Variants in ACTR3C observed in about 807,000 individuals in gnomAD.
ACTR3C encodes actin-related protein 3C.
Under a neutral mutation model 26.3 loss-of-function variants are expected in ACTR3C, and 18 were observed. That is an observed-to-expected ratio of 0.68 (90% CI 0.47 to 1.01). The LOEUF (loss-of-function observed/expected upper bound fraction) is 1.01. Among genes scored for constraint, ACTR3C ranks in the 50% least tolerant of loss-of-function variants. The pLI, the probability that ACTR3C is intolerant of heterozygous loss-of-function variation, is 0.00. For synonymous variants in ACTR3C, 55 were observed against 94.5 expected, an observed-to-expected ratio of 0.58 and a Z score of 2.42; for missense variants, 184 against 250.7, an observed-to-expected ratio of 0.73 and a Z score of 1.80.
the ACTR3C span, among the ~76,000 whole-genome samples, chr7:150,117,114 A>G: frequency 1.3e-5 from 2 of 152,194 alleles, no homozygotes; most frequent in Non-Finnish European, 2.9e-5. Flanking sequence ...TTGGGTGCCT[A>G]TATCACCAGG....
chr7:150,034,485 T>C, the ACTR3C span, among the ~76,000 whole-genome samples: 3 of 151,398 alleles, frequency 2.0e-5, no homozygotes, highest in African/African-American at 7.3e-5. Context: ...CCCGCCCCCT[T>C]TGTGACCTCA....
At chr7:149,886,408 G>A in the ACTR3C span, among the ~76,000 whole-genome samples, 2 of 152,314 alleles carry the variant, frequency 1.3e-5, no homozygotes, top group South Asian at 4.1e-4. Context: ...GACGGGGGGA[G>A]GAAGCAGATA....
chr7:150,037,463 C>A, the ACTR3C span, among the ~76,000 whole-genome samples: 1 of 54,530 alleles, frequency 1.8e-5, no homozygotes, highest in East Asian at 1.0e-3. Flanking sequence ...GGGGGTGCCT[C>A]CCCCCCCTGC....
chr7:150,154,165 T>A, the ACTR3C span, among the ~76,000 whole-genome samples: 1 of 151,066 alleles, frequency 6.6e-6, no homozygotes, highest in African/African-American at 2.4e-5. Flanking sequence ...ATGGCACATG[T>A]ATACATATGT....
the ACTR3C span, among the ~76,000 whole-genome samples, chr7:150,036,323 C>A: frequency 2.7e-5 from 4 of 147,690 alleles, 1 homozygote; most frequent in Non-Finnish European, 4.6e-5. Flanking sequence ...AATAGGGGGG[C>A]CATCCTTTAG....
At chr7:150,235,305 C>T in the ACTR3C span, among the ~76,000 whole-genome samples, 4 of 152,170 alleles carry the variant, frequency 2.6e-5, no homozygotes, top group Admixed American at 2.6e-4. Flanking sequence ...CTTGAAGAAA[C>T]AAAGTACAAG....
the ACTR3C span, among the ~76,000 whole-genome samples, chr7:150,204,114 C>T: frequency 6.7e-6 from 1 of 149,660 alleles, no homozygotes; most frequent in Non-Finnish European, 1.5e-5. Context: ...GTACAGGTTT[C>T]CTCTCAGCAC....
chr7:149,995,892 A>G, the ACTR3C span, among the ~76,000 whole-genome samples: 5 of 152,232 alleles, frequency 3.3e-5, no homozygotes, highest in African/African-American at 1.2e-4. Context: ...TTCACAGCAG[A>G]GGTGGTTCGA....
the ACTR3C span, among the ~76,000 whole-genome samples, chr7:149,882,528 A>G: frequency 6.6e-6 from 1 of 151,854 alleles, no homozygotes; most frequent in Non-Finnish European, 1.5e-5. Context: ...ATTCCGGGAG[A>G]GAGGAGAGGG....
the ACTR3C span, among the ~76,000 whole-genome samples, chr7:150,169,995 A>G: frequency 2.9e-4 from 43 of 149,332 alleles, no homozygotes; most frequent in Non-Finnish European, 5.9e-4. Flanking sequence ...CAGTAGCTTA[A>G]CACATCCCAT....
At chr7:150,034,035 G>C in the ACTR3C span, among the ~76,000 whole-genome samples, 5 of 151,784 alleles carry the variant, frequency 3.3e-5, no homozygotes, top group East Asian at 2.0e-4. Flanking sequence ...AAGAGCCAGG[G>C]GGGGAAGAGG....
At chr7:150,254,663 A>C (rs1227580030) in intron 6 of ACTR3C, among the ~76,000 whole-genome samples, 5 of 151,902 alleles carry the variant, frequency 3.3e-5, no homozygotes. Context: ...GCTTTCCCAC[A>C]CTTGGTTACA....
the ACTR3C span, among the ~76,000 whole-genome samples, chr7:150,087,330 C>T: frequency 6.6e-6 from 1 of 152,036 alleles, no homozygotes; most frequent in African/African-American, 2.4e-5. Flanking sequence ...CATCTAACAT[C>T]GAATGATTAA....
the ACTR3C span, among the ~76,000 whole-genome samples, chr7:150,038,242 AG>A: frequency 6.9e-6 from 1 of 144,324 alleles, no homozygotes; most frequent in African/African-American, 2.6e-5. Flanking sequence ...GCCCTCAAAT[AG>A]GGGGGCCATC....
the ACTR3C span, among the ~76,000 whole-genome samples, chr7:150,034,031 CA>C: frequency 1.6e-4 from 24 of 151,004 alleles, no homozygotes; most frequent in African/African-American, 2.9e-4. Context: ...TCCCAAGAGC[CA>C]GGGGGGGAAG....
At chr7:149,929,599 T>C in the ACTR3C span, among the ~76,000 whole-genome samples, 1 of 146,870 alleles carries the variant, frequency 6.8e-6, no homozygotes, top group East Asian at 2.0e-4. Context: ...TGGCCCGATC[T>C]CGGCTCACTG....
At chr7:150,092,787 T>C in the ACTR3C span, among the ~76,000 whole-genome samples, 1 of 151,018 alleles carries the variant, frequency 6.6e-6, no homozygotes, top group African/African-American at 2.5e-5. Context: ...TGCCAGGCTA[T>C]CTGTAGCATG....
At chr7:149,998,371 T>G in the ACTR3C span, among the ~76,000 whole-genome samples, 2 of 149,690 alleles carry the variant, frequency 1.3e-5, no homozygotes, top group Non-Finnish European at 3.0e-5. Context: ...CCACAAATTC[T>G]TTGATACCTG....
At chr7:150,279,874 C>CT (rs1409743664) in intron 6 of ACTR3C, among the ~76,000 whole-genome samples, 2 of 152,152 alleles carry the variant, frequency 1.3e-5, no homozygotes, top group African/African-American at 4.8e-5. Context: ...GTATTTTTAG[C>CT]TTTTTTATAA....
Sources: allele counts gnomAD v4.1 joint callset (sites outside exome capture counted in the v4.1 genomes callset), GRCh38; gene constraint gnomAD v4.1.1; transcripts MANE v1.5; gene names NCBI Gene and HGNC (gene_info 2026-07-23, HGNC 2026-07-21).